Variants in PIK3CD observed in about 807,000 individuals in gnomAD.
The protein encoded by PIK3CD is phosphatidylinositol-4,5-bisphosphate 3-kinase catalytic subunit delta, also known as phosphatidylinositol 4,5-bisphosphate 3-kinase catalytic subunit delta isoform.
A neutral mutation model predicts 122.9 loss-of-function variants in PIK3CD; 20 were observed. The observed-to-expected ratio is 0.16, with a 90% CI of 0.11 to 0.24. PIK3CD has a LOEUF of 0.24. Among genes scored for constraint, PIK3CD ranks in the 10% least tolerant of loss-of-function variants. The probability of loss-of-function intolerance (pLI) is 1.00; values close to 1 mark genes in which losing one functional copy is unlikely to be tolerated. For missense variants in PIK3CD, 787 were observed against 1,406.3 expected (o/e 0.56, Z 7.04); for synonymous variants, 596 against 593.4 (o/e 1.00, Z -0.06).
intron 1 of PIK3CD, among the ~76,000 whole-genome samples, chr1:9,664,251 G>T (rs1645096356): frequency 6.6e-6 from 1 of 152,106 alleles, no homozygotes; most frequent in African/African-American, 2.4e-5. Context: ...GTTTCACCAT[G>T]TTGCCCAGGC....
rs530908492 is a variant in PIK3CD at position 9,727,415 on chromosome 1, C to A, written c.*369C>A. 1 of 414,278 alleles carries A rather than the reference C, an allele frequency of 2.4e-6. No homozygotes were observed. Among genetic ancestry groups the A allele is most frequent in the South Asian group, 2.2e-5 (1 of 45,006 alleles). The allele number at this position is 414,278 out of a possible 1,614,324, so 25.7% of individuals were successfully genotyped here. On this transcript the variant is annotated 3_prime_UTR_variant, in exon 24 of 24. Coordinates refer to ENST00000377346, the MANE Select transcript of PIK3CD (RefSeq NM_005026.5). ...AGACTGCCTGGGTCCTGGCGCCTGG[C>A]GGTCACCTGGTGCCTACTGTCCGAC...
upstream of PIK3CD, among the ~76,000 whole-genome samples, chr1:9,647,208 G>A (rs2100645626): frequency 6.6e-6 from 1 of 151,534 alleles, no homozygotes; most frequent in South Asian, 2.1e-4. Flanking sequence ...GAGTCCAGGA[G>A]TTTGAGACCA....
chr1:9,718,347 G>A lies in PIK3CD; in HGVS notation c.1021-347G>A, dbSNP rs925285838. Among the ~76,000 whole-genome samples the A allele has an allele frequency of 6.6e-6, 1 of 152,130 alleles. No homozygotes were observed. ...CCTTCCCCACCCACATGGGCTCATA[G>A]GAATCTGAGAAGTCCAGGGAGCCCT... On this transcript the variant is annotated intron_variant, in intron 8 of 23. Transcript: ENST00000377346. This position sits in a 1 kb window ranked among gnomAD's most constrained non-coding sequence, Gnocchi z 7.2.
rs112147383 is a variant in PIK3CD, at chr1:9,675,046, G to A, written c.-137-16421G>A. ...AAAAAAAAAAAAAAAAAGAGAGAGA[G>A]AGAAAGAAAGAAAGAAAGAAATGCT... On this transcript the variant is annotated intron_variant, in intron 1 of 23. Transcript: ENST00000377346. Among the ~76,000 whole-genome samples the A allele has an allele frequency of 1.5e-3, 215 of 143,216 alleles. 1 individual carries two copies. Among genetic ancestry groups the A allele is most frequent in the South Asian group, 3.1e-3 (14 of 4,578 alleles). The allele number at this position is 143,216 out of a possible 152,430, so 94.0% of individuals were successfully genotyped here.
At chr1:9,645,025 C>CTTTTTTTTTTTTTTTTTTTTT in the PIK3CD span, among the ~76,000 whole-genome samples, 1 of 81,808 alleles carries the variant, frequency 1.2e-5, no homozygotes, top group Non-Finnish European at 2.2e-5. Flanking sequence ...CTTTTCTTTT[C>CTTTTTTTTTTTTTTTTTTTTT]TTTTTTTTTT....
chr1:9,710,581 C>T lies in PIK3CD; in HGVS notation c.126C>T (p.Leu42=), dbSNP rs1263794275. 1.9e-6 allele frequency: 3 copies of T among 1,613,992 alleles called. No individual in the cohort carries two copies. The highest frequency in any genetic ancestry group is 2.5e-6 in the Non-Finnish European group (3 of 1,179,998). ...LNFPVSRNAN[L]STIKQLLWHR... is the part of the protein sequence containing the mutation. ...TCCCTGTGTCCCGCAATGCCAACCT[C>T]AGCACCATCAAGCAGGTATGGCCTC... Residue 42 remains leucine (L), a synonymous_variant, in exon 3 of 24, where the codon CTC becomes CTT. Transcript: ENST00000377346. The surrounding 1 kb of genome is among the most constrained non-coding windows in gnomAD (Gnocchi z 4.7).
At position 9,721,171 on chromosome 1, in the gene PIK3CD, C is replaced by T. The variant is rs541094509; in HGVS notation, c.1734C>T (p.Ser578=). Reference sequence around the variant, plus strand: ...CCTGGCCGGAGCTGCCCGTCCTGAGCGCCCTGGAGCTGCTAGACTTCAGCT... The same window carrying T: ...CCTGGCCGGAGCTGCCCGTCCTGAGTGCCCTGGAGCTGCTAGACTTCAGCT... The part of the protein sequence containing the change: ...LCSWPELPVL[S]ALELLDFSFP... The change falls in exon 14 of 24, where the codon AGC becomes AGT. Residue 578 remains serine (S), a synonymous_variant. Coordinates refer to ENST00000377346, the MANE Select transcript of PIK3CD (RefSeq NM_005026.5). 7.4e-6 allele frequency: 12 copies of T among 1,613,140 alleles called. No homozygotes were observed. Among genetic ancestry groups the T allele is most frequent in the South Asian group, 6.6e-5 (6 of 91,082 alleles).
At chr1:9,709,582 GTAGGCCCAGC>G (rs1239990697) in intron 2 of PIK3CD, among the ~76,000 whole-genome samples, 2 of 152,078 alleles carry the variant, frequency 1.3e-5, no homozygotes, top group African/African-American at 4.8e-5. Flanking sequence ...GTGTGCACCT[GTAGGCCCAGC>G]TACTTGGGAG....
chr1:9,667,394 T>G (rs1557601787), intron 1 of PIK3CD, among the ~76,000 whole-genome samples: 2 of 151,514 alleles, frequency 1.3e-5, no homozygotes. Context: ...TTTTTTTTTT[T>G]GAGATGGAGG....
chr1:9,653,413 C>A (rs572009487), intron 1 of PIK3CD: 14 of 221,520 alleles, frequency 6.3e-5, no homozygotes, highest in Non-Finnish European at 1.1e-4. Flanking sequence ...AACTCACCAA[C>A]CCACACAGTT....
chr1:9,718,612 A>AG lies in PIK3CD; in HGVS notation c.1021-77dup, dbSNP rs1647946741. On this transcript the variant is annotated intron_variant, in intron 8 of 23. Coordinates refer to ENST00000377346, the MANE Select transcript of PIK3CD (RefSeq NM_005026.5). The surrounding 1 kb of genome is among the most constrained non-coding windows in gnomAD (Gnocchi z 7.2). ...GTTCAGACCCACCTGAGGACATTCA[A>AG]GGGGGAGACTGACACCTTAAGGGGG... The AG allele has an allele frequency of 3.6e-5, 47 of 1,291,606 alleles. 1 individual carries two copies. The South Asian group carries it at 5.5e-4, about 15-fold the overall frequency. 80.0% of individuals were successfully genotyped at this position (1,291,606 alleles called of 1,614,324 possible).
intron 1 of PIK3CD, among the ~76,000 whole-genome samples, chr1:9,659,675 C>T (rs1262239872): frequency 6.6e-6 from 1 of 152,186 alleles, no homozygotes; most frequent in African/African-American, 2.4e-5. Flanking sequence ...TTTCTTGAAG[C>T]TTAATCCGTG....
the PIK3CD span, among the ~76,000 whole-genome samples, chr1:9,636,210 G>A: frequency 2.0e-5 from 3 of 152,060 alleles, no homozygotes; most frequent in East Asian, 5.8e-4. Flanking sequence ...TTTTTTTGGG[G>A]GGGGACATGG....
rs377356205 is a variant in PIK3CD at position 9,715,781 on chromosome 1, G to A, written c.370+12G>A. 3.1e-5 allele frequency: 50 copies of A among 1,612,852 alleles called. No homozygotes were observed. In the African/African-American group the frequency reaches 3.7e-4, roughly 12 times the overall value. ...CCTCATCGGCAAAGGTAGCTCTGCC[G>A]AGTGGGCCGTGTGGCCGGGCTGGCC... On this transcript the variant is annotated intron_variant, in intron 4 of 23. Coordinates refer to ENST00000377346, the MANE Select transcript of PIK3CD (RefSeq NM_005026.5). This position sits in a 1 kb window ranked among gnomAD's most constrained non-coding sequence, Gnocchi z 4.1.
chr1:9,689,846 AG>A lies in PIK3CD; in HGVS notation c.-137-1619del, dbSNP rs1266674326. 6.7e-6 allele frequency among the ~76,000 whole-genome samples: 1 copy of A among 148,618 alleles called. No individual in the cohort carries two copies. The highest frequency in any genetic ancestry group is 1.5e-5 in the Non-Finnish European group (1 of 66,730). ...GGGGCGGGGTGGGCAGGGTCGGTGGAGGCGATCAGGGGTCCGGGGCCGTGGG... is the reference window on the plus strand; with the variant it reads ...GGGGCGGGGTGGGCAGGGTCGGTGGAGCGATCAGGGGTCCGGGGCCGTGGG... On this transcript the variant is annotated intron_variant, in intron 1 of 23. Transcript: ENST00000377346. The surrounding 1 kb of genome is among the most constrained non-coding windows in gnomAD (Gnocchi z 6.1).
intron 1 of PIK3CD, among the ~76,000 whole-genome samples, chr1:9,679,854 C>T (rs1227551042): frequency 6.6e-6 from 1 of 152,126 alleles, no homozygotes. Context: ...GATGGAGTTT[C>T]ACTCCTGTCA....
Position 9,720,665 on chromosome 1 carries a change from A to AGTGGGGTGGGGGTGTGGG in PIK3CD, c.1521+11_1521+28dup. The AGTGGGGTGGGGGTGTGGG allele has an allele frequency of 7.1e-6, 2 of 282,002 alleles. No homozygotes were observed. Among genetic ancestry groups the AGTGGGGTGGGGGTGTGGG allele is most frequent in the Middle Eastern group, 2.4e-3 (2 of 824 alleles). 17.5% of individuals were successfully genotyped at this position (282,002 alleles called of 1,614,324 possible). A position where few individuals can be genotyped will look rare whatever the true frequency, so the allele number is the denominator to read the frequency against. On this transcript the variant is annotated splice_donor_region_variant and intron_variant, in intron 12 of 23. Transcript: ENST00000377346. The surrounding 1 kb of genome is among the most constrained non-coding windows in gnomAD (Gnocchi z 9.0). The stretch of plus-strand genomic sequence containing the variant: ...TGTGCATGTCACCGAGGAGGAGGTG[A>AGTGGGGTGGGGGTGTGGG]GTGGGGTGGGGGTGTGGGGTGGGGG...
At chr1:9,650,896 T>C (rs891102013), upstream of PIK3CD, among the ~76,000 whole-genome samples, 2 of 152,162 alleles carry the variant, frequency 1.3e-5, no homozygotes, top group African/African-American at 4.8e-5. Context: ...CAGGCTGGAG[T>C]GCAGTGGTGC....
chr1:9,701,662 CTG>C (rs1646635127), intron 2 of PIK3CD, among the ~76,000 whole-genome samples: 1 of 132,018 alleles, frequency 7.6e-6, no homozygotes, highest in African/African-American at 3.0e-5. Flanking sequence ...GAGCAAGACT[CTG>C]TCTCAAAAAA....
Sources: allele counts gnomAD v4.1 joint callset (sites outside exome capture counted in the v4.1 genomes callset), GRCh38; gene constraint gnomAD v4.1.1; non-coding constraint Gnocchi (gnomAD v3.1); transcripts MANE v1.5; gene names NCBI Gene and HGNC (gene_info 2026-07-23, HGNC 2026-07-21).